Variants in CDRT4 observed in about 807,000 individuals in gnomAD.
CDRT4 encodes CMT1A duplicated region transcript 4 protein.
For missense variants in CDRT4, 167 were observed against 193.1 expected (o/e 0.87, Z 0.80); for synonymous variants, 64 against 69.6 (o/e 0.92, Z 0.40).
intron 1 of CDRT4, among the ~76,000 whole-genome samples, chr17:15,457,981 G>A (rs904794711): frequency 2.3e-4 from 35 of 152,330 alleles, no homozygotes; most frequent in African/African-American, 7.2e-4. Context: ...GGCTCAGGAC[G>A]CTGTGAGACT....
rs994099366 is a variant in CDRT4 at position 15,464,180 on chromosome 17, T to A, written c.-130+3280A>T. Among the ~76,000 whole-genome samples the A allele has an allele frequency of 6.6e-6, 1 of 152,054 alleles. No individual in the cohort carries two copies. The highest frequency in any genetic ancestry group is 2.4e-5 in the African/African-American group (1 of 41,414). ...CTCTGGCCGCGTTTTTCTCTGGTGA[T>A]GTGTCACTGAGCTTGGGGATAGGGC... On this transcript the variant is annotated intron_variant, in intron 1 of 3. Coordinates refer to ENST00000619038, the MANE Select transcript of CDRT4 (RefSeq NM_001204477.2). This position sits in a 1 kb window ranked among gnomAD's most constrained non-coding sequence, Gnocchi z 4.5.
intron 3 of CDRT4, 24 bp downstream of exon 3, chr17:15,440,184 C>A: frequency 3.1e-6 from 5 of 1,613,372 alleles, no homozygotes; most frequent in Non-Finnish European, 4.2e-6. Context: ...CAGGAGCTTC[C>A]ACTGGTAACA....
intron 1 of CDRT4, among the ~76,000 whole-genome samples, chr17:15,453,645 A>G (rs1979359811): frequency 6.6e-6 from 1 of 152,198 alleles, no homozygotes; most frequent in African/African-American, 2.4e-5. Context: ...ATTATTGTGT[A>G]TGGATTTCAG....
At position 15,438,278 on chromosome 17, in the gene CDRT4, T is replaced by G. The variant is rs1178436392; in HGVS notation, c.32-78A>C. ...TGATTCTTCAAAAAATGGGAAGGCA[T>G]TGGAACCAGATTTTGAAGTCCTCCC... On this transcript the variant is annotated intron_variant, in intron 3 of 3. Coordinates refer to ENST00000619038, the MANE Select transcript of CDRT4 (RefSeq NM_001204477.2). 4 of 1,446,476 alleles carry G rather than the reference T, an allele frequency of 2.8e-6. No homozygotes were observed. In the Admixed American group the frequency reaches 6.2e-5, roughly 23 times the overall value. The allele number at this position is 1,446,476 out of a possible 1,614,324, so 89.6% of individuals were successfully genotyped here.
intron 2 of CDRT4, among the ~76,000 whole-genome samples, chr17:15,451,810 A>G (rs1297143100): frequency 6.6e-6 from 1 of 152,076 alleles, no homozygotes; most frequent in Non-Finnish European, 1.5e-5. Flanking sequence ...CTATTTTAAT[A>G]CTCTGTCTAA....
At chr17:15,446,228 G>A (rs1461979638) in intron 2 of CDRT4, among the ~76,000 whole-genome samples, 1 of 151,764 alleles carries the variant, frequency 6.6e-6, no homozygotes, top group Admixed American at 6.6e-5. Context: ...AAACAGAAAC[G>A]CTGGGAAGCA....
intron 1 of CDRT4, among the ~76,000 whole-genome samples, chr17:15,461,026 T>C (rs935607490): frequency 1.9e-4 from 29 of 152,228 alleles, no homozygotes; most frequent in Non-Finnish European, 3.8e-4. Context: ...CTTAGCTCAA[T>C]GTTGCCTTCT....
chr17:15,458,848 G>T (rs573308900), intron 1 of CDRT4, among the ~76,000 whole-genome samples: 58 of 152,222 alleles, frequency 3.8e-4, no homozygotes, highest in African/African-American at 1.3e-3. Context: ...GCAACACCAG[G>T]GAGTTTGTTG....
chr17:15,438,865 C>T (rs528243305), intron 3 of CDRT4, among the ~76,000 whole-genome samples: 35 of 152,212 alleles, frequency 2.3e-4, no homozygotes, highest in Non-Finnish European at 3.2e-4. Context: ...TAATAGAGGA[C>T]GAAACTGAGG....
chr17:15,440,731 G>A (rs1318190060), intron 2 of CDRT4, among the ~76,000 whole-genome samples: 11 of 152,228 alleles, frequency 7.2e-5, no homozygotes. Context: ...GAAGGTAGCA[G>A]AGATGGGCAG....
At position 15,437,718 on chromosome 17, in the gene CDRT4, G is replaced by T; in HGVS notation, c.*55C>A. 1 of 1,549,448 alleles carries T rather than the reference G, an allele frequency of 6.5e-7. No homozygotes were observed. The highest frequency in any genetic ancestry group is 8.9e-7 in the Non-Finnish European group (1 of 1,129,078). ...TGGAGCTTAACTTTTGTACGTTCTT[G>T]GGGAATGGCTGCAGGGACCCCTGGC... On this transcript the variant is annotated 3_prime_UTR_variant, in exon 4 of 4. Transcript: ENST00000619038.
At chr17:15,465,524 A>G (rs1224309337) in intron 1 of CDRT4, among the ~76,000 whole-genome samples, 1 of 151,468 alleles carries the variant, frequency 6.6e-6, no homozygotes, top group Admixed American at 6.6e-5. Flanking sequence ...ACAGACCCAC[A>G]CCAATACCAG....
At position 15,437,551 on chromosome 17, in the gene CDRT4, A is replaced by C. The variant is rs963439372; in HGVS notation, c.*222T>G. 1 of 588,060 alleles carries C rather than the reference A, an allele frequency of 1.7e-6. No individual in the cohort carries two copies. The highest frequency in any genetic ancestry group is 2.8e-5 in the East Asian group (1 of 35,376). 36.4% of individuals were successfully genotyped at this position (588,060 alleles called of 1,614,324 possible). A position where few individuals can be genotyped will look rare whatever the true frequency, so the allele number is the denominator to read the frequency against. ...CAGAGACTAGAGCCAGGGACTGCCC[A>C]AACCCACCAGAGAGCAGTGTGGGAG... is the stretch of plus-strand genomic sequence containing the variant. On this transcript the variant is annotated 3_prime_UTR_variant, in exon 4 of 4. Coordinates refer to ENST00000619038, the MANE Select transcript of CDRT4 (RefSeq NM_001204477.2).
intron 2 of CDRT4, among the ~76,000 whole-genome samples, chr17:15,445,631 T>C (rs769003580): frequency 2.2e-4 from 33 of 152,166 alleles, no homozygotes; most frequent in Non-Finnish European, 4.1e-4. Flanking sequence ...AGTAAGAGGA[T>C]AGAATGATGA....
intron 1 of CDRT4, among the ~76,000 whole-genome samples, chr17:15,454,170 C>T (rs1979384068): frequency 6.6e-6 from 1 of 152,110 alleles, no homozygotes; most frequent in South Asian, 2.1e-4. Flanking sequence ...ACAACTGCTG[C>T]CACAGTGCTG....
chr17:15,441,408 C>T (rs1978751330), intron 2 of CDRT4, among the ~76,000 whole-genome samples: 1 of 152,166 alleles, frequency 6.6e-6, no homozygotes, highest in East Asian at 1.9e-4. Context: ...TAAGTAACTC[C>T]TAAATGATAC....
rs1219630630 is a variant in CDRT4, at chr17:15,437,098, T to C, written c.*675A>G. On this transcript the variant is annotated 3_prime_UTR_variant, in exon 4 of 4. Coordinates refer to ENST00000619038, the MANE Select transcript of CDRT4 (RefSeq NM_001204477.2). ...TCCCAGAAACATTTCAATGCAGTTT[T>C]TGGTTTTTCCAACACTCACAAAAGC... The C allele has an allele frequency of 6.6e-6, 1 of 152,338 alleles. No homozygotes were observed. Among genetic ancestry groups the C allele is most frequent in the Non-Finnish European group, 1.5e-5 (1 of 68,176 alleles). 9.4% of individuals were successfully genotyped at this position (152,338 alleles called of 1,614,324 possible).
chr17:15,445,317 C>T (rs560686679), intron 2 of CDRT4, among the ~76,000 whole-genome samples: 65 of 152,206 alleles, frequency 4.3e-4, no homozygotes, highest in African/African-American at 1.2e-3. Flanking sequence ...ACCCAGGAGT[C>T]GCCACATCTT....
intron 1 of CDRT4, among the ~76,000 whole-genome samples, chr17:15,466,366 T>C (rs771297229): frequency 1.3e-4 from 20 of 152,182 alleles, no homozygotes; most frequent in Non-Finnish European, 2.2e-4. Flanking sequence ...TCCACCCAGA[T>C]GGGGAGAAGG....
Sources: gnomAD v4.1 joint callset for allele counts (sites outside exome capture counted in the v4.1 genomes callset) on GRCh38, gnomAD v4.1.1 for gene constraint, Gnocchi (gnomAD v3.1) non-coding constraint, MANE v1.5 for transcripts, NCBI Gene and HGNC (gene_info 2026-07-23, HGNC 2026-07-21) for gene names.